VSIG1: variants seen among roughly 807,000 people sequenced by gnomAD.
VSIG1 encodes V-set and immunoglobulin domain containing 1.
A neutral mutation model predicts 20.1 loss-of-function variants in VSIG1; 11 were observed. The observed-to-expected ratio is 0.55, with a 90% CI of 0.34 to 0.91. The LOEUF (loss-of-function observed/expected upper bound fraction) is 0.91, where lower values mean the gene tolerates loss of function less well. Among genes scored for constraint, VSIG1 ranks in the 40% least tolerant of loss-of-function variants. The pLI is 0.02. For missense variants in VSIG1, 283 were observed against 298.8 expected (o/e 0.95, Z 0.39); for synonymous variants, 126 against 116.7 (o/e 1.08, Z -0.52).
chrX:108,061,119 G>T (rs934819406), intron 2 of VSIG1, among the ~76,000 whole-genome samples: 7 of 112,711 alleles, frequency 6.2e-5, no homozygotes, highest in African/African-American at 2.3e-4. Flanking sequence ...CCAAGAGGTT[G>T]CAGACATCCT....
the VSIG1 span, among the ~76,000 whole-genome samples, chrX:108,027,810 T>C: frequency 9.0e-6 from 1 of 110,763 alleles, no homozygotes; most frequent in Admixed American, 9.6e-5. Context: ...TTAGGTACCA[T>C]TAGATGAAAA....
chrX:108,055,451 C>G (rs780501579), intron 1 of VSIG1, among the ~76,000 whole-genome samples: 2 of 111,974 alleles, frequency 1.8e-5, no homozygotes, highest in South Asian at 7.4e-4. Context: ...ACTTCCAACT[C>G]ATTTTATGAG....
intron 1 of VSIG1, among the ~76,000 whole-genome samples, chrX:108,047,799 T>TACATATATATATAC (rs2030622386): frequency 2.3e-4 from 16 of 68,546 alleles, no homozygotes; most frequent in Non-Finnish European, 4.0e-4. Context: ...TCTATATATA[T>TACATATATATATAC]ATATATATAC....
At chrX:108,026,369 C>T in the VSIG1 span, among the ~76,000 whole-genome samples, 1 of 111,266 alleles carries the variant, frequency 9.0e-6, no homozygotes, top group Non-Finnish European at 1.9e-5. Flanking sequence ...CAGGGCATTT[C>T]CTTTTGCTTT....
At chrX:108,050,944 C>T (rs1048245370) in intron 1 of VSIG1, among the ~76,000 whole-genome samples, 30 of 110,998 alleles carry the variant, frequency 2.7e-4, no homozygotes, top group African/African-American at 8.9e-4. Context: ...ATGTTTCCCA[C>T]CCAGCAGAAG....
chrX:108,067,881 C>T (rs149349586), intron 3 of VSIG1, among the ~76,000 whole-genome samples: 1,185 of 111,698 alleles, frequency 0.011, 25 homozygotes, highest in African/African-American at 0.036. Flanking sequence ...TGGGAAGTAT[C>T]GAAGCAAGGG....
At chrX:108,048,583 A>G (rs1356821960) in intron 1 of VSIG1, among the ~76,000 whole-genome samples, 4 of 112,181 alleles carry the variant, frequency 3.6e-5, no homozygotes, top group Admixed American at 1.9e-4. Context: ...AGTCCTATTG[A>G]TGTAGAGATT....
At chrX:108,035,892 C>T in the VSIG1 span, among the ~76,000 whole-genome samples, 1 of 107,739 alleles carries the variant, frequency 9.3e-6, no homozygotes, top group Non-Finnish European at 1.9e-5. Context: ...CCCACCTGGG[C>T]TCAAGTCTTG....
chrX:108,058,842 G>A (rs1395950948), intron 2 of VSIG1, among the ~76,000 whole-genome samples: 1 of 111,909 alleles, frequency 8.9e-6, no homozygotes, highest in African/African-American at 3.2e-5. Flanking sequence ...TCACATGCAA[G>A]CTGCCTATTC....
the VSIG1 span, among the ~76,000 whole-genome samples, chrX:108,038,489 C>T: frequency 8.9e-6 from 1 of 112,142 alleles, no homozygotes; most frequent in Non-Finnish European, 1.9e-5. Context: ...TACCATTTGA[C>T]TCAGCAATCC....
the VSIG1 span, among the ~76,000 whole-genome samples, chrX:108,026,987 C>T: frequency 6.3e-5 from 7 of 111,818 alleles, no homozygotes; most frequent in Non-Finnish European, 1.3e-4. Flanking sequence ...GATACTACTT[C>T]ACACCCAGTA....
At chrX:108,065,174 T>G (rs1331995013) in intron 2 of VSIG1, among the ~76,000 whole-genome samples, 2 of 112,264 alleles carry the variant, frequency 1.8e-5, no homozygotes, top group Non-Finnish European at 3.8e-5. Context: ...TTTTAAAATA[T>G]ATTGACTTTC....
chrX:108,066,993 A>T lies in VSIG1; in HGVS notation c.271A>T (p.Thr91Ser). ...CATCGGGCAATTTAAAGATCGAATTACAGGGTCCAACGATCCAGGTAATGC... is the reference window on the plus strand; with the variant it reads ...CATCGGGCAATTTAAAGATCGAATTTCAGGGTCCAACGATCCAGGTAATGC... ...VAIGQFKDRITGSNDPGNASI... is the reference protein window; with the variant it reads ...VAIGQFKDRISGSNDPGNASI... Residue 91 changes from threonine (T) to serine (S), a missense_variant, in exon 3 of 7, where the codon ACA becomes TCA. Thr to Ser is a moderately conservative substitution (Grantham distance 58). Transcript: ENST00000217957. 8.3e-7 allele frequency: 1 copy of T among 1,211,247 alleles called. No individual in the cohort carries two copies. Among genetic ancestry groups the T allele is most frequent in the Non-Finnish European group, 1.1e-6 (1 of 895,219 alleles).
upstream of VSIG1, among the ~76,000 whole-genome samples, chrX:108,042,682 T>C (rs892204771): frequency 1.8e-5 from 2 of 111,512 alleles, no homozygotes; most frequent in African/African-American, 6.5e-5. Flanking sequence ...ACTATGGGTC[T>C]TTTAGAGACT....
In VSIG1 at chrX:108,047,965, T is replaced by TATATATATATATATACAC. The variant is rs1569287460; in HGVS notation, c.49+2801_49+2802insCACATATATATATATATA. On this transcript the variant is annotated intron_variant, in intron 1 of 6. Transcript: ENST00000217957. ...ATATATATATATATACACACACATA[T>TATATATATATATATACAC]ATATATATATATATATATATATATA... Among the ~76,000 whole-genome samples the TATATATATATATATACAC allele has an allele frequency of 1.8e-3, 33 of 18,704 alleles. 6 individuals carry two copies. Among genetic ancestry groups the TATATATATATATATACAC allele is most frequent in the African/African-American group, 7.6e-3 (29 of 3,835 alleles). The allele number at this position is 18,704 out of a possible 115,157, so 16.2% of individuals were successfully genotyped here. A position where few individuals can be genotyped will look rare whatever the true frequency, so the allele number is the denominator to read the frequency against.
chrX:108,043,900 T>A (rs1412464332), upstream of VSIG1, among the ~76,000 whole-genome samples: 1 of 112,059 alleles, frequency 8.9e-6, no homozygotes, highest in Non-Finnish European at 1.9e-5. Context: ...GGGGCATGAG[T>A]TAATGTGGCT....
At chrX:108,054,361 A>G (rs896307789) in intron 1 of VSIG1, among the ~76,000 whole-genome samples, 4 of 111,994 alleles carry the variant, frequency 3.6e-5, no homozygotes, top group African/African-American at 1.3e-4. Flanking sequence ...TGATAAATCT[A>G]CTAGACAGAA....
the VSIG1 span, among the ~76,000 whole-genome samples, chrX:108,029,575 G>A: frequency 1.8e-5 from 2 of 112,046 alleles, no homozygotes; most frequent in Non-Finnish European, 3.8e-5. Flanking sequence ...TTGTTGGAGT[G>A]TTAGTGTTAA....
At chrX:108,026,214 C>A in the VSIG1 span, among the ~76,000 whole-genome samples, 13 of 111,964 alleles carry the variant, frequency 1.2e-4, no homozygotes, top group Non-Finnish European at 2.3e-4. Flanking sequence ...ACCCAGATTT[C>A]TCCCAGTATC....
Sources: allele counts gnomAD v4.1 joint callset (sites outside exome capture counted in the v4.1 genomes callset), GRCh38; gene constraint gnomAD v4.1.1; transcripts MANE v1.5; gene names NCBI Gene and HGNC (gene_info 2026-07-23, HGNC 2026-07-21).